The following DFFB variants were observed in gnomAD, a reference collection of about 807,000 sequenced individuals.
The protein encoded by DFFB is DNA fragmentation factor subunit beta.
In DFFB, 29 loss-of-function variants were observed where a neutral mutation model predicts 32.7. That is an observed-to-expected ratio of 0.89 (90% CI 0.66 to 1.21). The LOEUF is 1.21. Ranked by LOEUF, DFFB falls within the 50% of genes most tolerant of loss-of-function variation. The probability of loss-of-function intolerance (pLI) is 0.00; values close to 1 mark genes in which losing one functional copy is unlikely to be tolerated. For synonymous variants in DFFB, 170 were observed against 177.1 expected (o/e 0.96, Z 0.32); for missense variants, 398 against 440.6 (o/e 0.90, Z 0.87).
chr1:3,866,027 G>C (rs781323826), intron 3 of DFFB, 27 bp downstream of exon 3: 2 of 1,515,726 alleles, frequency 1.3e-6, no homozygotes, highest in African/African-American at 2.8e-5. Context: ...GCTGGCAGGG[G>C]AGAGGCTTCT....
rs1432190079 is a variant in DFFB at position 3,885,044 on chromosome 1, G to A, written c.*1303G>A. ...GTGCAAAACTGTGTCACAGTTTCAG[G>A]CTTTTATGAGGAAAGCGTTTCTGTG... On this transcript the variant is annotated 3_prime_UTR_variant, in exon 7 of 7. Coordinates refer to ENST00000378209, the MANE Select transcript of DFFB (RefSeq NM_004402.4). The A allele has an allele frequency of 1.3e-5, 2 of 152,206 alleles. No homozygotes were observed. The highest frequency in any genetic ancestry group is 6.5e-5 in the Admixed American group (1 of 15,276). 9.4% of individuals were successfully genotyped at this position (152,206 alleles called of 1,614,324 possible).
At chr1:3,879,899 C>A (rs1295979219) in intron 6 of DFFB, among the ~76,000 whole-genome samples, 1 of 152,200 alleles carries the variant, frequency 6.6e-6, no homozygotes, top group Non-Finnish European at 1.5e-5. Flanking sequence ...TCACTTTAAT[C>A]ATTAATCATC....
At position 3,857,880 on chromosome 1, in the gene DFFB, T is replaced by A. The variant is rs562417675; in HGVS notation, c.114+163T>A. 1.6e-4 allele frequency among the ~76,000 whole-genome samples: 24 copies of A among 152,308 alleles called. No homozygotes were observed. The South Asian group carries it at 4.8e-3, about 30-fold the overall frequency. ...ACCCCGGGCCCCCGCAGCCTGGGGT[T>A]CCTGAGCGTGGCTTCAGAACGCAGG... On this transcript the variant is annotated intron_variant, in intron 1 of 6. Coordinates refer to ENST00000378209, the MANE Select transcript of DFFB (RefSeq NM_004402.4).
intron 6 of DFFB, among the ~76,000 whole-genome samples, chr1:3,875,926 A>G (rs1645213027): frequency 6.6e-6 from 1 of 152,028 alleles, no homozygotes; most frequent in Admixed American, 6.6e-5. Flanking sequence ...ACAGGTATGC[A>G]CCACCACACC....
intron 6 of DFFB, among the ~76,000 whole-genome samples, chr1:3,878,278 A>G (rs1185279659): frequency 1.3e-5 from 2 of 151,736 alleles, no homozygotes; most frequent in South Asian, 2.1e-4. Context: ...CAGCCTCCAG[A>G]GTAGCTGGGA....
chr1:3,870,962 C>T lies in DFFB; in HGVS notation c.681+1187C>T, dbSNP rs114399717. Among the ~76,000 whole-genome samples, 1,186 of 152,306 alleles carry T rather than the reference C, an allele frequency of 7.8e-3. 20 individuals carry two copies. Among genetic ancestry groups the T allele is most frequent in the African/African-American group, 0.027 (1,135 of 41,562 alleles). ...AATGAGTGTGTTGAGTGCTGGGCTG[C>T]GGACCACAGGGAAGACGGAAGCTGT... On this transcript the variant is annotated intron_variant, in intron 5 of 6. Coordinates refer to ENST00000378209, the MANE Select transcript of DFFB (RefSeq NM_004402.4).
At chr1:3,875,819 C>T (rs1274075288) in intron 6 of DFFB, among the ~76,000 whole-genome samples, 1 of 152,182 alleles carries the variant, frequency 6.6e-6, no homozygotes, top group African/African-American at 2.4e-5. Flanking sequence ...CTCTGTCGCC[C>T]AGGCTGGAGT....
intron 2 of DFFB, among the ~76,000 whole-genome samples, chr1:3,863,103 C>T (rs1256244457): frequency 6.6e-6 from 1 of 152,140 alleles, no homozygotes; most frequent in African/African-American, 2.4e-5. Context: ...GAACGACAGC[C>T]CACAGAATAG....
chr1:3,868,179 G>A (rs1645021599), intron 4 of DFFB, 126 bp downstream of exon 4: 1 of 873,466 alleles, frequency 1.1e-6, no homozygotes, highest in Non-Finnish European at 1.9e-6. Context: ...CGTGGATCTG[G>A]TGGGGCTGCT....
intron 2 of DFFB, among the ~76,000 whole-genome samples, chr1:3,859,312 T>C (rs1644833825): frequency 6.6e-6 from 1 of 152,034 alleles, no homozygotes; most frequent in South Asian, 2.1e-4. Context: ...GGGCTCAAGT[T>C]TGGGGGCAAT....
chr1:3,879,570 C>A (rs6663319), intron 6 of DFFB, among the ~76,000 whole-genome samples: 27,270 of 152,082 alleles, frequency 0.18, 2,469 homozygotes, highest in African/African-American at 0.21. Flanking sequence ...GGGGACACAG[C>A]AAGAAGGCAG....
At chr1:3,869,148 C>T (rs980184802) in intron 4 of DFFB, among the ~76,000 whole-genome samples, 2 of 152,246 alleles carry the variant, frequency 1.3e-5, no homozygotes, top group Non-Finnish European at 2.9e-5. Context: ...CAACCTCTGC[C>T]TTCCAGGTTC....
chr1:3,882,514 A>G (rs1312990393), intron 6 of DFFB, among the ~76,000 whole-genome samples: 1 of 151,854 alleles, frequency 6.6e-6, no homozygotes, highest in South Asian at 2.1e-4. Context: ...ACAGGCATGC[A>G]TCACCATGCC....
intron 6 of DFFB, among the ~76,000 whole-genome samples, chr1:3,879,541 C>G (rs1264303923): frequency 6.6e-6 from 1 of 152,210 alleles, no homozygotes; most frequent in Non-Finnish European, 1.5e-5. Flanking sequence ...AGCTCACTCT[C>G]CCTCTGTCTC....
intron 5 of DFFB, among the ~76,000 whole-genome samples, chr1:3,871,436 G>A (rs1157594977): frequency 6.6e-6 from 1 of 152,132 alleles, no homozygotes; most frequent in Non-Finnish European, 1.5e-5. Flanking sequence ...ACAGGCGCCC[G>A]CCACCATGCC....
At chr1:3,864,466 G>A (rs1019146806) in intron 2 of DFFB, among the ~76,000 whole-genome samples, 1 of 152,118 alleles carries the variant, frequency 6.6e-6, no homozygotes, top group African/African-American at 2.4e-5. Context: ...TTGCAGTGTG[G>A]TGATGTCTCG....
Position 3,865,596 on chromosome 1 carries a change from GC to G in DFFB, c.242-212del, listed in dbSNP as rs1034526303. ...TCATCTGTCCTCTAAAGCACACCCT[GC>G]CCCTCCCTCCTCTGTCCTCATGCCG... On this transcript the variant is annotated intron_variant, in intron 2 of 6. Coordinates refer to ENST00000378209, the MANE Select transcript of DFFB (RefSeq NM_004402.4). The surrounding 1 kb of genome is among the most constrained non-coding windows in gnomAD (Gnocchi z 4.7). The G allele has an allele frequency of 4.3e-6, 3 of 700,682 alleles. No homozygotes were observed. Among genetic ancestry groups the G allele is most frequent in the South Asian group, 1.7e-5 (1 of 60,546 alleles). The allele number at this position is 700,682 out of a possible 1,614,324, so 43.4% of individuals were successfully genotyped here.
Position 3,869,642 on chromosome 1 carries a change from A to G in DFFB, c.548A>G (p.Gln183Arg), listed in dbSNP as rs1645070491. 1 of 1,613,338 alleles carries G rather than the reference A, an allele frequency of 6.2e-7. No homozygotes were observed. The highest frequency in any genetic ancestry group is 1.7e-5 in the Admixed American group (1 of 59,972). Residue 183 changes from glutamine (Q) to arginine (R), a missense_variant, in exon 5 of 7, where the codon CAG becomes CGG. Gln to Arg is a conservative substitution (Grantham distance 43). Transcript: ENST00000378209. Reference sequence around the variant, plus strand: ...CCCTCCACGGTGGGTGCGGAGGCTCAGGAGGAATTCCTGCGGGTCCTCGGC... The same window carrying G: ...CCCTCCACGGTGGGTGCGGAGGCTCGGGAGGAATTCCTGCGGGTCCTCGGC... ...SYPSTVGAEA[Q>R]EEFLRVLGSM...
intron 6 of DFFB, among the ~76,000 whole-genome samples, chr1:3,873,912 T>C (rs1340918628): frequency 6.6e-6 from 1 of 152,206 alleles, no homozygotes; most frequent in East Asian, 1.9e-4. Flanking sequence ...TGTATTGCTT[T>C]CGGAGTGAGA....
Sources: gnomAD v4.1 joint callset for allele counts (sites outside exome capture counted in the v4.1 genomes callset) on GRCh38, gnomAD v4.1.1 for gene constraint, Gnocchi (gnomAD v3.1) non-coding constraint, MANE v1.5 for transcripts, NCBI Gene and HGNC (gene_info 2026-07-23, HGNC 2026-07-21) for gene names.